SGCG: variants seen among roughly 807,000 people sequenced by gnomAD.
SGCG encodes sarcoglycan gamma.
Under a neutral mutation model 29.3 loss-of-function variants are expected in SGCG, and 26 were observed. The observed-to-expected ratio is 0.89, with a 90% CI of 0.65 to 1.23. SGCG has a LOEUF of 1.23. Among genes scored for constraint, SGCG ranks in the 50% most tolerant of loss-of-function variants. SGCG has a pLI of 0.00. For missense variants in SGCG, 353 were observed against 356.0 expected (o/e 0.99, Z 0.07); for synonymous variants, 145 against 129.7 (o/e 1.12, Z -0.80).
chr13:23,301,575 G>A (rs1298782673), intron 6 of SGCG, among the ~76,000 whole-genome samples: 2 of 152,114 alleles, frequency 1.3e-5, no homozygotes, highest in Non-Finnish European at 2.9e-5. Context: ...TCAAAATTAG[G>A]AAAGAAATAG....
intron 6 of SGCG, among the ~76,000 whole-genome samples, chr13:23,302,248 C>T (rs1041793917): frequency 6.6e-6 from 1 of 151,114 alleles, no homozygotes; most frequent in Non-Finnish European, 1.5e-5. Flanking sequence ...TCCTATTTCT[C>T]CACAAGAAAT....
chr13:23,322,040 T>C (rs1474394116), intron 7 of SGCG, among the ~76,000 whole-genome samples: 1 of 152,234 alleles, frequency 6.6e-6, no homozygotes, highest in Non-Finnish European at 1.5e-5. Flanking sequence ...GCCATATTTA[T>C]AGATTTGTGC....
chr13:23,163,273 T>C, the SGCG span, among the ~76,000 whole-genome samples: 1 of 152,198 alleles, frequency 6.6e-6, no homozygotes, highest in Non-Finnish European at 1.5e-5. Flanking sequence ...TTTCATTTTG[T>C]TACATATGAG....
intron 6 of SGCG, among the ~76,000 whole-genome samples, chr13:23,301,491 C>T (rs997496901): frequency 1.3e-5 from 2 of 152,178 alleles, no homozygotes; most frequent in African/African-American, 2.4e-5. Flanking sequence ...GAAGATGGGG[C>T]TTGGAGCAGC....
chr13:23,215,087 A>G (rs910771937), intron 2 of SGCG, among the ~76,000 whole-genome samples: 9 of 152,182 alleles, frequency 5.9e-5, no homozygotes, highest in African/African-American at 1.9e-4. Flanking sequence ...TGATTTAACC[A>G]TATTACAGCA....
intron 1 of SGCG, among the ~76,000 whole-genome samples, chr13:23,189,769 CAA>C (rs1419328344): frequency 2.6e-5 from 4 of 152,126 alleles, no homozygotes; most frequent in Admixed American, 6.5e-5. Context: ...AGATAAGAGA[CAA>C]GAGAGAAAGA....
the SGCG span, among the ~76,000 whole-genome samples, chr13:23,170,814 T>C: frequency 1.3e-5 from 2 of 152,208 alleles, no homozygotes; most frequent in Non-Finnish European, 2.9e-5. Flanking sequence ...AGAGAGGTAG[T>C]GTCAGGAGCA....
intron 4 of SGCG, among the ~76,000 whole-genome samples, chr13:23,265,863 G>T (rs1332337319): frequency 6.6e-6 from 1 of 152,160 alleles, no homozygotes; most frequent in African/African-American, 2.4e-5. Context: ...ACAGTATGGA[G>T]ATTTCTCAAA....
chr13:23,196,282 T>C (rs1016909154), intron 1 of SGCG, among the ~76,000 whole-genome samples: 2 of 152,156 alleles, frequency 1.3e-5, no homozygotes, highest in East Asian at 3.8e-4. Flanking sequence ...AATTCTAGTT[T>C]TTGTTTCTAG....
chr13:23,174,632 C>G, the SGCG span, among the ~76,000 whole-genome samples: 1 of 151,822 alleles, frequency 6.6e-6, no homozygotes, highest in Non-Finnish European at 1.5e-5. Context: ...GAAATTCCAA[C>G]AATAAAAGCT....
Position 23,203,194 on chromosome 13 carries a change from C to T in SGCG, c.1-501C>T, listed in dbSNP as rs186877831. On this transcript the variant is annotated intron_variant, in intron 1 of 7. Coordinates refer to ENST00000218867, the MANE Select transcript of SGCG (RefSeq NM_000231.3). ...CAGGATGGTCTCGATCTCCTGACCTCGTGATCCGCCCACCTCAGCCTCCCA... is the reference window on the plus strand; with the variant it reads ...CAGGATGGTCTCGATCTCCTGACCTTGTGATCCGCCCACCTCAGCCTCCCA... 5.9e-4 allele frequency among the ~76,000 whole-genome samples: 90 copies of T among 152,234 alleles called. 1 individual carries two copies. Among genetic ancestry groups the T allele is most frequent in the African/African-American group, 2.0e-3 (85 of 41,546 alleles).
chr13:23,322,714 C>T (rs894778330), intron 7 of SGCG, among the ~76,000 whole-genome samples: 2 of 151,216 alleles, frequency 1.3e-5, no homozygotes, highest in Admixed American at 1.3e-4. Context: ...TCCTCCCCAG[C>T]CCAGGCCCTA....
intron 6 of SGCG, among the ~76,000 whole-genome samples, chr13:23,301,891 CA>C (rs869193118): frequency 3.5e-5 from 2 of 57,888 alleles, no homozygotes; most frequent in South Asian, 6.4e-4. Flanking sequence ...GACTCCATCT[CA>C]AAAAAAAAAA....
intron 2 of SGCG, among the ~76,000 whole-genome samples, chr13:23,232,171 C>T (rs938835756): frequency 2.6e-5 from 4 of 151,808 alleles, no homozygotes; most frequent in Non-Finnish European, 5.9e-5. Flanking sequence ...TGGGAGGTAG[C>T]TGCACCTAGC....
intron 6 of SGCG, among the ~76,000 whole-genome samples, chr13:23,299,456 A>ATCTTTTTTTTTTT (rs1882059808): frequency 2.4e-5 from 1 of 41,542 alleles, no homozygotes; most frequent in Non-Finnish European, 4.8e-5. Context: ...ATATATATAT[A>ATCTTTTTTTTTTT]TTTTTTTTTT....
intron 3 of SGCG, among the ~76,000 whole-genome samples, chr13:23,239,178 C>T (rs1349529089): frequency 1.3e-5 from 2 of 151,782 alleles, no homozygotes; most frequent in African/African-American, 4.8e-5. Context: ...AATTAAATTG[C>T]TTAAAAACAA....
chr13:23,300,713 T>C (rs1882121666), intron 6 of SGCG, among the ~76,000 whole-genome samples: 1 of 149,778 alleles, frequency 6.7e-6, no homozygotes. Flanking sequence ...CATAGAACCA[T>C]TTAAAAACAG....
At chr13:23,282,958 T>A (rs1429580193) in intron 5 of SGCG, among the ~76,000 whole-genome samples, 1 of 152,226 alleles carries the variant, frequency 6.6e-6, no homozygotes, top group Non-Finnish European at 1.5e-5. Context: ...GAGTCCTAAC[T>A]TGATTGCACT....
rs530662686 is a variant in SGCG, at chr13:23,277,146, A to T, written c.386-2213A>T. Among the ~76,000 whole-genome samples the T allele has an allele frequency of 6.6e-5, 10 of 152,336 alleles. No homozygotes were observed. The East Asian group carries it at 1.9e-3, about 29-fold the overall frequency. On this transcript the variant is annotated intron_variant, in intron 4 of 7. Transcript: ENST00000218867. The stretch of plus-strand genomic sequence containing the variant: ...TAATAACTATAGAAAAAAAATTGTC[A>T]CAGTTCAACCCCTTATACTTAATAA...
Sources: allele counts gnomAD v4.1 joint callset (sites outside exome capture counted in the v4.1 genomes callset), GRCh38; gene constraint gnomAD v4.1.1; transcripts MANE v1.5; gene names NCBI Gene and HGNC (gene_info 2026-07-23, HGNC 2026-07-21).